Variants in CALHM6 observed in about 807,000 individuals in gnomAD.
CALHM6 encodes the protein calcium homeostasis modulator protein 6.
In CALHM6, 15 loss-of-function variants were observed where a neutral mutation model predicts 12.7. The observed-to-expected ratio is 1.18, with a 90% CI of 0.79 to 1.82. The LOEUF (loss-of-function observed/expected upper bound fraction) is 1.82. Ranked by LOEUF, CALHM6 falls within the 40% of genes most tolerant of loss-of-function variation. The pLI, the probability that CALHM6 is intolerant of heterozygous loss-of-function variation, is 0.00. For missense variants in CALHM6, 434 were observed against 421.0 expected (o/e 1.03, Z -0.27); for synonymous variants, 212 against 193.7 (o/e 1.09, Z -0.78).
In CALHM6 at chr6:116,462,359, C is replaced by G; in HGVS notation, c.430C>G (p.Arg144Gly). The change falls in exon 2 of 3, where the codon CGC (arginine) becomes GGC (glycine). Residue 144 changes from arginine to glycine, a missense_variant. By Grantham distance (125) the Arg-to-Gly change is moderately radical. Transcript: ENST00000368605. ...GCAGCGCCTGTGCCTCGGCCGCAAC[C>G]GCAGCTGCGCCGCGGAGCTGCCGCT... ...FAQRLCLGRN[R>G]SCAAELPLVP... is the part of the protein sequence containing the mutation. 1 of 1,448,960 alleles carries G rather than the reference C, an allele frequency of 6.9e-7. No homozygotes were observed. Among genetic ancestry groups the G allele is most frequent in the South Asian group, 1.4e-5 (1 of 72,672 alleles). 89.8% of individuals were successfully genotyped at this position (1,448,960 alleles called of 1,614,324 possible). A position where few individuals can be genotyped will look rare whatever the true frequency, so the allele number is the denominator to read the frequency against.
chr6:116,463,133 T>G, intron 2 of CALHM6, 150 bp from the exon 3 acceptor site: 1 of 738,376 alleles, frequency 1.4e-6, no homozygotes. Flanking sequence ...GGGAGGTTAC[T>G]GCGACACCTT....
At position 116,463,658 on chromosome 6, in the gene CALHM6, C is replaced by A. The variant is rs773553297; in HGVS notation, c.901C>A (p.Leu301Ile). The change falls in exon 3 of 3, where the codon CTT becomes ATT. Residue 301 changes from leucine (L) to isoleucine (I), a missense_variant. Leu to Ile is a conservative substitution (Grantham distance 5). Coordinates refer to ENST00000368605, the MANE Select transcript of CALHM6 (RefSeq NM_001010919.3). ...STEGDTVIPVLGFVDSSGINS... is the reference protein window; with the variant it reads ...STEGDTVIPVIGFVDSSGINS... Reference sequence around the variant, plus strand: ...TGAAGGAGATACGGTGATTCCTGTTCTTGGCTTTGTAGATTCATCTGGTAT... The same window carrying A: ...TGAAGGAGATACGGTGATTCCTGTTATTGGCTTTGTAGATTCATCTGGTAT... 4 of 1,613,244 alleles carry A rather than the reference C, an allele frequency of 2.5e-6. No homozygotes were observed. The highest frequency in any genetic ancestry group is 1.7e-6 in the Non-Finnish European group (2 of 1,179,706).
Position 116,462,382 on chromosome 6 carries a change from G to C in CALHM6, c.453G>C (p.Pro151=). 2.0e-6 allele frequency: 3 copies of C among 1,466,030 alleles called. No homozygotes were observed. The highest frequency in any genetic ancestry group is 2.7e-6 in the Non-Finnish European group (3 of 1,112,112). 90.8% of individuals were successfully genotyped at this position (1,466,030 alleles called of 1,614,324 possible). Residue 151 remains proline (P), a synonymous_variant, in exon 2 of 3, where the codon CCG becomes CCC. Coordinates refer to ENST00000368605, the MANE Select transcript of CALHM6 (RefSeq NM_001010919.3). ...ACCGCAGCTGCGCCGCGGAGCTGCCGCTGGTGCCGTGCAACCAGGCCAAGG... is the reference window on the plus strand; with the variant it reads ...ACCGCAGCTGCGCCGCGGAGCTGCCCCTGGTGCCGTGCAACCAGGCCAAGG... ...GRNRSCAAEL[P]LVPCNQAKAS...
chr6:116,461,792 T>TTA (rs760898161), intron 1 of CALHM6, 80 bp from the exon 2 acceptor site: 25 of 747,346 alleles, frequency 3.3e-5, no homozygotes, highest in Non-Finnish European at 3.8e-5. Flanking sequence ...CTCTTCCCTT[T>TTA]AAAAAAAAAA....
chr6:116,463,254 A>G lies in CALHM6; in HGVS notation c.526-29A>G, dbSNP rs149840276. 493 of 1,556,702 alleles carry G rather than the reference A, an allele frequency of 3.2e-4. 2 individuals are homozygous for G. The highest frequency in any genetic ancestry group is 2.2e-3 in the Middle Eastern group (13 of 5,806). ...ATTTCTTGTAAAAAACCAAGTAACT[A>G]AATTACTATTTTGTTGTGTTTTCTT... On this transcript the variant is annotated intron_variant, in intron 2 of 2. Transcript: ENST00000368605.
rs61740843 is a variant in CALHM6, at chr6:116,462,397, C to G, written c.468C>G (p.Asn156Lys). The G allele has an allele frequency of 6.8e-4, 999 of 1,477,918 alleles. 5 individuals are homozygous for G. The African/African-American group carries it at 0.014, about 20-fold the overall frequency. The allele number at this position is 1,477,918 out of a possible 1,614,324, so 91.6% of individuals were successfully genotyped here. Residue 156 changes from asparagine to lysine, a missense_variant, in exon 2 of 3, where the codon AAC becomes AAG. Transcript: ENST00000368605. ...CGGAGCTGCCGCTGGTGCCGTGCAA[C>G]CAGGCCAAGGCGTCGGACGTGCAGG... The part of the protein sequence containing the change: ...CAAELPLVPC[N>K]QAKASDVQDL...
chr6:116,463,131 A>T, intron 2 of CALHM6, 152 bp from the exon 3 acceptor site: 1 of 717,474 alleles, frequency 1.4e-6, no homozygotes, highest in Non-Finnish European at 2.3e-6. Context: ...TAGGGAGGTT[A>T]CTGCGACACC....
At chr6:116,461,742 T>C in intron 1 of CALHM6, 130 bp from the exon 2 acceptor site, 1 of 741,110 alleles carries the variant, frequency 1.3e-6, no homozygotes, top group Non-Finnish European at 2.0e-6. Flanking sequence ...GTGGTGTGGC[T>C]GAAATGAGAA....
At position 116,462,067 on chromosome 6, in the gene CALHM6, C is replaced by G. The variant is rs962261961; in HGVS notation, c.138C>G (p.Ala46=). 5.4e-5 allele frequency: 83 copies of G among 1,548,024 alleles called. No homozygotes were observed. Among genetic ancestry groups the G allele is most frequent in the Middle Eastern group, 3.4e-4 (2 of 5,874 alleles). The change falls in exon 2 of 3, where the codon GCC becomes GCG. Residue 46 remains alanine (A), a synonymous_variant. Coordinates refer to ENST00000368605, the MANE Select transcript of CALHM6 (RefSeq NM_001010919.3). The stretch of plus-strand genomic sequence containing the variant: ...CATTCCAGTGCCCGTGCAGCGCCGC[C>G]TGGAACCTGCCCTACGGCCTGGTCT... ...AVAFQCPCSA[A]WNLPYGLVFL...
At position 116,462,436 on chromosome 6, in the gene CALHM6, T is replaced by C; in HGVS notation, c.507T>C (p.Asp169=). 1.3e-6 allele frequency: 2 copies of C among 1,498,518 alleles called. No homozygotes were observed. Among genetic ancestry groups the C allele is most frequent in the Non-Finnish European group, 1.8e-6 (2 of 1,123,204 alleles). The allele number at this position is 1,498,518 out of a possible 1,614,324, so 92.8% of individuals were successfully genotyped here. A position where few individuals can be genotyped will look rare whatever the true frequency, so the allele number is the denominator to read the frequency against. The change falls in exon 2 of 3, where the codon GAT becomes GAC. Residue 169 remains aspartate (D), a synonymous_variant. Transcript: ENST00000368605. ...CGGACGTGCAGGACCTCCTGAAGGATCTGAAGGCTCAGTCGCAGGTCTGCC... is the reference window on the plus strand; with the variant it reads ...CGGACGTGCAGGACCTCCTGAAGGACCTGAAGGCTCAGTCGCAGGTCTGCC... ...KASDVQDLLK[D]LKAQSQVLGW...
chr6:116,462,944 C>T (rs1227772969), intron 2 of CALHM6, among the ~76,000 whole-genome samples: 1 of 152,188 alleles, frequency 6.6e-6, no homozygotes, highest in Non-Finnish European at 1.5e-5. Context: ...GCTCTAAAGC[C>T]ACCACTGGAC....
In CALHM6 at chr6:116,462,304, G is replaced by A; in HGVS notation, c.375G>A (p.Glu125=). Residue 125 remains glutamate (E), a synonymous_variant, in exon 2 of 3, where the codon GAG becomes GAA. Transcript: ENST00000368605. ...AVALLGGAFY[E]CAATGSAAFA... is the part of the protein sequence containing the mutation. ...CGCTGCTCGGGGGCGCCTTTTACGA[G>A]TGCGCGGCCACCGGGAGCGCGGCCT... is the stretch of plus-strand genomic sequence containing the variant. 1 of 1,427,600 alleles carries A rather than the reference G, an allele frequency of 7.0e-7. No individual in the cohort carries two copies. The highest frequency in any genetic ancestry group is 9.1e-7 in the Non-Finnish European group (1 of 1,096,976). 88.4% of individuals were successfully genotyped at this position (1,427,600 alleles called of 1,614,324 possible).
chr6:116,462,239 G>A lies in CALHM6; in HGVS notation c.310G>A (p.Ala104Thr). 7.3e-7 allele frequency: 1 copy of A among 1,373,168 alleles called. No homozygotes were observed. Among genetic ancestry groups the A allele is most frequent in the Non-Finnish European group, 9.4e-7 (1 of 1,068,470 alleles). 85.1% of individuals were successfully genotyped at this position (1,373,168 alleles called of 1,614,324 possible). The change falls in exon 2 of 3, where the codon GCG becomes ACG. Residue 104 changes from alanine (A) to threonine (T), a missense_variant. Coordinates refer to ENST00000368605, the MANE Select transcript of CALHM6 (RefSeq NM_001010919.3). ...CTCCCTGGTGTGCACGCAAATCAGC[G>A]CGGCCGCCGCGCTCGCGCCCCTCAC... ...RGSLVCTQISAAAALAPLTWV... is the reference protein window; with the variant it reads ...RGSLVCTQISTAAALAPLTWV...
Position 116,463,414 on chromosome 6 carries a change from G to A in CALHM6, c.657G>A (p.Gln219=). ...FWKIYLEQEQ[Q]ILKSKATEHA... ...AAATCTATTTGGAACAGGAGCAGCA[G>A]ATCCTTAAAAGTAAAGCCACAGAGC... Residue 219 remains glutamine, a synonymous_variant, in exon 3 of 3, where the codon CAG becomes CAA. Coordinates refer to ENST00000368605, the MANE Select transcript of CALHM6 (RefSeq NM_001010919.3). 1 of 1,614,136 alleles carries A rather than the reference G, an allele frequency of 6.2e-7. No individual in the cohort carries two copies. Among genetic ancestry groups the A allele is most frequent in the Non-Finnish European group, 8.5e-7 (1 of 1,180,020 alleles).
chr6:116,462,760 C>T (rs1784807309), intron 2 of CALHM6, among the ~76,000 whole-genome samples: 1 of 152,134 alleles, frequency 6.6e-6, no homozygotes, highest in Non-Finnish European at 1.5e-5. Flanking sequence ...ATTATTTTTA[C>T]GTCTCACAAC....
At position 116,463,466 on chromosome 6, in the gene CALHM6, A is replaced by G; in HGVS notation, c.709A>G (p.Ile237Val). The G allele has an allele frequency of 6.2e-7, 1 of 1,614,206 alleles. No individual in the cohort carries two copies. Among genetic ancestry groups the G allele is most frequent in the Non-Finnish European group, 8.5e-7 (1 of 1,180,036 alleles). Residue 237 changes from isoleucine (I) to valine (V), a missense_variant, in exon 3 of 3, where the codon ATT becomes GTT. By Grantham distance (29) the Ile-to-Val change is conservative. Transcript: ENST00000368605. ...EHATELAKEN[I>V]KCFFEGSHPK... Reference sequence around the variant, plus strand: ...TGCAACTGAATTGGCAAAAGAGAATATTAAATGTTTCTTTGAGGGCTCGCA... The same window carrying G: ...TGCAACTGAATTGGCAAAAGAGAATGTTAAATGTTTCTTTGAGGGCTCGCA...
intron 2 of CALHM6, among the ~76,000 whole-genome samples, chr6:116,462,692 G>A (rs1240190350): frequency 1.3e-5 from 2 of 152,178 alleles, no homozygotes; most frequent in Non-Finnish European, 2.9e-5. Flanking sequence ...GAAAGTGGGA[G>A]TGAGAGTGGG....
Position 116,463,502 on chromosome 6 carries a change from T to G in CALHM6, c.745T>G (p.Tyr249Asp), listed in dbSNP as rs1032096052. Residue 249 changes from tyrosine (Y) to aspartate (D), a missense_variant, in exon 3 of 3, where the codon TAT becomes GAT. Coordinates refer to ENST00000368605, the MANE Select transcript of CALHM6 (RefSeq NM_001010919.3). ...CTTTGAGGGCTCGCATCCAAAAGAA[T>G]ATAACACTCCAAGCATGAAAGAGTG... is the stretch of plus-strand genomic sequence containing the variant. Reference protein sequence around the residue: ...CFFEGSHPKEYNTPSMKEWQQ... With the variant: ...CFFEGSHPKEDNTPSMKEWQQ... The G allele has an allele frequency of 1.1e-5, 17 of 1,614,160 alleles. No individual in the cohort carries two copies. The highest frequency in any genetic ancestry group is 1.4e-5 in the Non-Finnish European group (17 of 1,180,018).
At position 116,462,245 on chromosome 6, in the gene CALHM6, G is replaced by C. The variant is rs1403602407; in HGVS notation, c.316G>C (p.Ala106Pro). Residue 106 changes from alanine (A) to proline (P), a missense_variant, in exon 2 of 3, where the codon GCC (alanine) becomes CCC (proline). Transcript: ENST00000368605. ...SLVCTQISAAAALAPLTWVAV... is the reference protein window; with the variant it reads ...SLVCTQISAAPALAPLTWVAV... ...GGTGTGCACGCAAATCAGCGCGGCC[G>C]CCGCGCTCGCGCCCCTCACCTGGGT... 1 of 1,369,296 alleles carries C rather than the reference G, an allele frequency of 7.3e-7. No homozygotes were observed. The highest frequency in any genetic ancestry group is 1.7e-5 in the South Asian group (1 of 58,950). The allele number at this position is 1,369,296 out of a possible 1,614,324, so 84.8% of individuals were successfully genotyped here.
Sources: allele counts gnomAD v4.1 joint callset (sites outside exome capture counted in the v4.1 genomes callset), GRCh38; gene constraint gnomAD v4.1.1; transcripts MANE v1.5; gene names NCBI Gene and HGNC (gene_info 2026-07-23, HGNC 2026-07-21).